XKR5: variants seen among roughly 807,000 people sequenced by gnomAD.
XKR5 encodes the protein XK-related protein 5.
In XKR5, 46 loss-of-function variants were observed where a neutral mutation model predicts 40.8. The observed-to-expected ratio is 1.13, with a 90% CI of 0.89 to 1.44. The LOEUF is 1.44. XKR5 is among the 40% of genes most tolerant of loss of function. The pLI is 0.00. For missense variants in XKR5, 1,169 were observed against 844.7 expected, an observed-to-expected ratio of 1.38 and a Z score of -4.76; for synonymous variants, 466 against 356.1, an observed-to-expected ratio of 1.31 and a Z score of -3.48.
At chr8:6,834,188 C>T (rs1378480596) in intron 1 of XKR5, among the ~76,000 whole-genome samples, 2 of 152,206 alleles carry the variant, frequency 1.3e-5, no homozygotes, top group African/African-American at 2.4e-5. Context: ...AGGCACCGCA[C>T]ACAGGCATCG....
rs1383959792 is a variant in XKR5 at position 6,811,595 on chromosome 8, TGTG to T, written c.1661_1663del (p.Ser554_Gln555delinsTer). The T allele has an allele frequency of 6.5e-7, 1 of 1,537,270 alleles. No homozygotes were observed. The highest frequency in any genetic ancestry group is 2.4e-5 in the East Asian group (1 of 40,918). ...CAGAGTAGCTGGGCTGCCTTCTTGT[TGTG>T]AGGATGTGGCCACTTCTGCAGTGGC... is the stretch of plus-strand genomic sequence containing the variant. On this transcript the variant is annotated stop_gained and inframe_deletion, in exon 7 of 7. Transcript: ENST00000618742. LOFTEE classifies it low-confidence loss of function (END_TRUNC).
chr8:6,824,019 A>G (rs1804355807), intron 3 of XKR5, among the ~76,000 whole-genome samples: 1 of 152,142 alleles, frequency 6.6e-6, no homozygotes, highest in African/African-American at 2.4e-5. Context: ...CTTCCTTTCT[A>G]CGCCCTTTAA....
chr8:6,833,230 A>G (rs1215720613), intron 1 of XKR5, among the ~76,000 whole-genome samples: 1 of 152,180 alleles, frequency 6.6e-6, no homozygotes, highest in African/African-American at 2.4e-5. Context: ...CTTATACCCC[A>G]AAGCCACAGA....
intron 5 of XKR5, among the ~76,000 whole-genome samples, chr8:6,819,372 C>T (rs1481422048): frequency 6.6e-6 from 1 of 152,204 alleles, no homozygotes; most frequent in African/African-American, 2.4e-5. Flanking sequence ...CAGGGAGTGG[C>T]GCCCCAGTCT....
In XKR5 at chr8:6,811,131, C is replaced by G; in HGVS notation, c.*67G>C. The G allele has an allele frequency of 6.9e-7, 1 of 1,444,176 alleles. No individual in the cohort carries two copies. The highest frequency in any genetic ancestry group is 1.4e-5 in the African/African-American group (1 of 70,668). 89.5% of individuals were successfully genotyped at this position (1,444,176 alleles called of 1,614,324 possible). ...ACACAGGTGTCAGAAGTGGGATTTC[C>G]TTTCTCACGGTACCAAATGGCCAGC... On this transcript the variant is annotated 3_prime_UTR_variant, in exon 7 of 7. Coordinates refer to ENST00000618742, the MANE Select transcript of XKR5 (RefSeq NM_207411.5).
intron 1 of XKR5, among the ~76,000 whole-genome samples, chr8:6,834,322 C>G (rs1486377378): frequency 6.6e-6 from 1 of 152,268 alleles, no homozygotes; most frequent in Non-Finnish European, 1.5e-5. Flanking sequence ...CGCTGCAGCT[C>G]TAGACCGCGG....
chr8:6,826,038 C>G lies in XKR5; in HGVS notation c.243-689G>C, dbSNP rs139097149. On this transcript the variant is annotated intron_variant, in intron 2 of 6. Coordinates refer to ENST00000618742, the MANE Select transcript of XKR5 (RefSeq NM_207411.5). ...ATTTGGCAGAGGTAATATGTACTGT[C>G]TGGGGTATGAGATGAATGTGTATGG... 7.9e-5 allele frequency among the ~76,000 whole-genome samples: 12 copies of G among 152,148 alleles called. No individual in the cohort carries two copies. In the East Asian group the frequency reaches 2.3e-3, roughly 29 times the overall value.
At chr8:6,818,357 C>T (rs1804062660) in intron 5 of XKR5, among the ~76,000 whole-genome samples, 1 of 152,186 alleles carries the variant, frequency 6.6e-6, no homozygotes, top group Admixed American at 6.5e-5. Context: ...CTCTTGTGTC[C>T]TGTAGGGTTT....
chr8:6,813,586 A>G (rs977268822), intron 6 of XKR5, among the ~76,000 whole-genome samples: 47 of 152,284 alleles, frequency 3.1e-4, no homozygotes, highest in African/African-American at 1.1e-3. Flanking sequence ...TTTGGGTTCA[A>G]TCTTCCTGCC....
chr8:6,815,685 C>A, intron 6 of XKR5, 122 bp downstream of exon 6: 1 of 661,162 alleles, frequency 1.5e-6, no homozygotes. Flanking sequence ...TCGCAGTGAG[C>A]CTGGTTCCTT....
chr8:6,830,040 T>A (rs956426726), intron 2 of XKR5, among the ~76,000 whole-genome samples: 1 of 151,962 alleles, frequency 6.6e-6, no homozygotes, highest in Non-Finnish European at 1.5e-5. Context: ...GGTTTCACCG[T>A]GTTAGCCAGG....
intron 2 of XKR5, chr8:6,829,138 C>T (rs1219528987): frequency 6.1e-6 from 1 of 164,926 alleles, no homozygotes; most frequent in African/African-American, 2.4e-5. Flanking sequence ...ATTAAATCTC[C>T]ACCCATTTAT....
At position 6,835,191 on chromosome 8, in the gene XKR5, GGA is replaced by G. The variant is rs200537548; in HGVS notation, c.58+243_58+244del. On this transcript the variant is annotated intron_variant, in intron 1 of 6. Coordinates refer to ENST00000618742, the MANE Select transcript of XKR5 (RefSeq NM_207411.5). The stretch of plus-strand genomic sequence containing the variant: ...AGTCAAGCACCAGTCGGGAGGGGGG[GGA>G]ACCGAGCATGGGTGGAGGAAAATCA... 0.014 allele frequency among the ~76,000 whole-genome samples: 1,888 copies of G among 132,774 alleles called. 97 individuals carry two copies. The East Asian group carries it at 0.15, about 10-fold the overall frequency. 87.1% of individuals were successfully genotyped at this position (132,774 alleles called of 152,430 possible).
chr8:6,814,259 C>T (rs576179098), intron 6 of XKR5, among the ~76,000 whole-genome samples: 1 of 152,256 alleles, frequency 6.6e-6, no homozygotes, highest in South Asian at 2.1e-4. Flanking sequence ...GTCCATGGGT[C>T]GACGATGAAA....
intron 1 of XKR5, 121 bp downstream of exon 1, chr8:6,835,315 G>A (rs1391404865): frequency 4.9e-6 from 5 of 1,027,286 alleles, no homozygotes; most frequent in Non-Finnish European, 5.2e-6. Flanking sequence ...TCACCGGCGC[G>A]CAGTGCTGGG....
At position 6,811,420 on chromosome 8, in the gene XKR5, A is replaced by G; in HGVS notation, c.1839T>C (p.Ser613=). The G allele has an allele frequency of 6.5e-7, 1 of 1,537,134 alleles. No homozygotes were observed. Among genetic ancestry groups the G allele is most frequent in the Non-Finnish European group, 8.7e-7 (1 of 1,146,836 alleles). ...GTGPCRGFCP[S]AGFPGRTLSI... ...TGAGGGTTCTTCCAGGGAAGCCTGC[A>G]CTGGGGCAGAAGCCTCTACATGGGC... Residue 613 remains serine, a synonymous_variant, in exon 7 of 7, where the codon AGT becomes AGC. Coordinates refer to ENST00000618742, the MANE Select transcript of XKR5 (RefSeq NM_207411.5).
At chr8:6,824,876 G>C (rs1804389576) in intron 3 of XKR5, among the ~76,000 whole-genome samples, 1 of 152,186 alleles carries the variant, frequency 6.6e-6, no homozygotes, top group African/African-American at 2.4e-5. Context: ...TGAGTTTATG[G>C]AGAGGCAGTC....
Position 6,811,169 on chromosome 8 carries a change from C to T in XKR5, c.*29G>A, listed in dbSNP as rs1273065276. 2 of 1,508,862 alleles carry T rather than the reference C, an allele frequency of 1.3e-6. No individual in the cohort carries two copies. The highest frequency in any genetic ancestry group is 2.8e-5 in the African/African-American group (2 of 72,292). 93.5% of individuals were successfully genotyped at this position (1,508,862 alleles called of 1,614,324 possible). A position where few individuals can be genotyped will look rare whatever the true frequency, so the allele number is the denominator to read the frequency against. On this transcript the variant is annotated 3_prime_UTR_variant, in exon 7 of 7. Coordinates refer to ENST00000618742, the MANE Select transcript of XKR5 (RefSeq NM_207411.5). ...CCAAATGGCCAGCTTGGTTTGTCAG[C>T]CTGTTGTCTTATCCCACCATGACTG...
intron 5 of XKR5, among the ~76,000 whole-genome samples, chr8:6,816,997 A>G (rs373806959): frequency 4.6e-5 from 7 of 152,276 alleles, no homozygotes; most frequent in African/African-American, 1.7e-4. Context: ...TGCCTTGGCC[A>G]GCAGCCAGTA....
Sources: allele counts gnomAD v4.1 joint callset (sites outside exome capture counted in the v4.1 genomes callset), GRCh38; gene constraint gnomAD v4.1.1; transcripts MANE v1.5; gene names NCBI Gene and HGNC (gene_info 2026-07-23, HGNC 2026-07-21).